The following MED25 variants were observed in gnomAD, a reference collection of about 807,000 sequenced individuals.
MED25 encodes mediator of RNA polymerase II transcription subunit 25.
In MED25, 62 loss-of-function variants were observed where a neutral mutation model predicts 89.4. That is an observed-to-expected ratio of 0.69 (90% CI 0.57 to 0.86). The LOEUF is 0.86. MED25 is among the 40% of genes least tolerant of loss of function. MED25 has a pLI of 0.00. For missense variants in MED25, 905 were observed against 1,005.2 expected, an observed-to-expected ratio of 0.90 and a Z score of 1.35; for synonymous variants, 449 against 427.9, an observed-to-expected ratio of 1.05 and a Z score of -0.61.
chr19:49,831,603 G>C lies in MED25; in HGVS notation c.1230+142G>C. ...TTGCGCTGGACCTGTGGGATGCGGG[G>C]CGAGGCCAGGAGCCCCATGGAGTGG... is the stretch of plus-strand genomic sequence containing the variant. On this transcript the variant is annotated intron_variant, in intron 10 of 17. Coordinates refer to ENST00000312865, the MANE Select transcript of MED25 (RefSeq NM_030973.4). This position sits in a 1 kb window ranked among gnomAD's most constrained non-coding sequence, Gnocchi z 5.0. 1.8e-6 allele frequency: 2 copies of C among 1,123,022 alleles called. No individual in the cohort carries two copies. Among genetic ancestry groups the C allele is most frequent in the Non-Finnish European group, 2.5e-6 (2 of 799,584 alleles). 69.6% of individuals were successfully genotyped at this position (1,123,022 alleles called of 1,614,324 possible).
intron 13 of MED25, chr19:49,833,234 G>A (rs977982840): frequency 6.6e-6 from 1 of 152,424 alleles, no homozygotes; most frequent in Non-Finnish European, 1.5e-5. Context: ...AGCCTCCCAA[G>A]TAGCTGGGAT....
intron 13 of MED25, chr19:49,833,624 A>G (rs888136164): frequency 2.6e-5 from 4 of 152,198 alleles, no homozygotes; most frequent in African/African-American, 9.6e-5. Flanking sequence ...AATTGGGGGC[A>G]CTCGGAAAAA....
Position 49,836,047 on chromosome 19 carries a change from G to T in MED25, c.1965+102G>T. ...GAGGTTGACTGTGGTCAGTGGGTGTGAATGGGGACCCGCCCAGGGCTTTAG... is the reference window on the plus strand; with the variant it reads ...GAGGTTGACTGTGGTCAGTGGGTGTTAATGGGGACCCGCCCAGGGCTTTAG... On this transcript the variant is annotated intron_variant, in intron 16 of 17. Transcript: ENST00000312865. The surrounding 1 kb of genome is among the most constrained non-coding windows in gnomAD (Gnocchi z 5.1). The T allele has an allele frequency of 1.3e-6, 2 of 1,556,854 alleles. No homozygotes were observed. Among genetic ancestry groups the T allele is most frequent in the Non-Finnish European group, 1.7e-6 (2 of 1,151,914 alleles).
chr19:49,822,640 C>CTTTTT (rs536060694), intron 3 of MED25, among the ~76,000 whole-genome samples: 94 of 68,280 alleles, frequency 1.4e-3, no homozygotes, highest in East Asian at 4.5e-3. Context: ...CTGTTACATT[C>CTTTTT]TTTTTTTTTT....
rs755098742 is a variant in MED25, at chr19:49,831,286, TC to T, written c.1102-44del. The T allele has an allele frequency of 1.3e-6, 2 of 1,592,668 alleles. No homozygotes were observed. The highest frequency in any genetic ancestry group is 1.1e-5 in the South Asian group (1 of 88,076). On this transcript the variant is annotated intron_variant, in intron 9 of 17. Coordinates refer to ENST00000312865, the MANE Select transcript of MED25 (RefSeq NM_030973.4). This position sits in a 1 kb window ranked among gnomAD's most constrained non-coding sequence, Gnocchi z 5.0. ...CCCTCACAGGATGGCCCCCGGAGGC[TC>T]CCGGCCTTCCCCATTCTCATGGCCC...
rs945374086 is a variant in MED25, at chr19:49,830,289, A to G, written c.819+71A>G. On this transcript the variant is annotated intron_variant, in intron 7 of 17. Transcript: ENST00000312865. This position sits in a 1 kb window ranked among gnomAD's most constrained non-coding sequence, Gnocchi z 4.6. The stretch of plus-strand genomic sequence containing the variant: ...AGCCCTGGCCCCTGGGGAGAAATCT[A>G]GTTGCATGTTGGAGCTTGTGGGATG... The G allele has an allele frequency of 1.3e-6, 2 of 1,497,270 alleles. No individual in the cohort carries two copies. The highest frequency in any genetic ancestry group is 1.4e-5 in the African/African-American group (1 of 72,618). 92.7% of individuals were successfully genotyped at this position (1,497,270 alleles called of 1,614,324 possible).
chr19:49,831,369 TCCCCAGCCCAGCTGGGAG>T lies in MED25; in HGVS notation c.1148_1165del (p.Gln383_Ala388del), dbSNP rs765219800. The T allele has an allele frequency of 1.9e-6, 3 of 1,610,870 alleles. No homozygotes were observed. The highest frequency in any genetic ancestry group is 1.7e-5 in the Admixed American group (1 of 59,712). On this transcript the variant is annotated inframe_deletion, in exon 10 of 18. Coordinates refer to ENST00000312865, the MANE Select transcript of MED25 (RefSeq NM_030973.4). This position sits in a 1 kb window ranked among gnomAD's most constrained non-coding sequence, Gnocchi z 5.0. ...GGCCCCAGGAGGGGTGAGCGGCCCT[TCCCCAGCCCAGCTGGGAG>T]CCCCAGCCCTCGGTGGGCAGCAGTC...
chr19:49,830,972 C>T lies in MED25; in HGVS notation c.1101+85C>T. On this transcript the variant is annotated intron_variant, in intron 9 of 17. Transcript: ENST00000312865. This position sits in a 1 kb window ranked among gnomAD's most constrained non-coding sequence, Gnocchi z 4.6. ...GTTAGAGGATGAGTCATTTGCCTTC[C>T]AGGGGGATGTGGCTCTCGTGGTTCT... is the stretch of plus-strand genomic sequence containing the variant. The T allele has an allele frequency of 7.0e-7, 1 of 1,432,902 alleles. No homozygotes were observed. Among genetic ancestry groups the T allele is most frequent in the Non-Finnish European group, 9.7e-7 (1 of 1,030,206 alleles). 88.8% of individuals were successfully genotyped at this position (1,432,902 alleles called of 1,614,324 possible). A position where few individuals can be genotyped will look rare whatever the true frequency, so the allele number is the denominator to read the frequency against.
intron 3 of MED25, among the ~76,000 whole-genome samples, chr19:49,823,845 C>T (rs2073998982): frequency 6.6e-6 from 1 of 152,092 alleles, no homozygotes; most frequent in Non-Finnish European, 1.5e-5. Flanking sequence ...GTAGTGGGGG[C>T]CGTCCTGGGT....
Position 49,831,312 on chromosome 19 carries a change from C to T in MED25, c.1102-21C>T. 6.2e-7 allele frequency: 1 copy of T among 1,607,558 alleles called. No homozygotes were observed. The highest frequency in any genetic ancestry group is 1.1e-5 in the South Asian group (1 of 89,588). ...CCCGGCCTTCCCCATTCTCATGGCCCTCCTTCCTCCCCTCTGGCAGGCAGG... is the reference window on the plus strand; with the variant it reads ...CCCGGCCTTCCCCATTCTCATGGCCTTCCTTCCTCCCCTCTGGCAGGCAGG... On this transcript the variant is annotated intron_variant, in intron 9 of 17. Transcript: ENST00000312865. This position sits in a 1 kb window ranked among gnomAD's most constrained non-coding sequence, Gnocchi z 5.0.
chr19:49,824,734 G>C (rs2074004823), intron 3 of MED25, among the ~76,000 whole-genome samples: 2 of 152,308 alleles, frequency 1.3e-5, no homozygotes, highest in South Asian at 2.1e-4. Flanking sequence ...CAAGGAGTTA[G>C]TGGGCATGAG....
chr19:49,825,194 A>G (rs1475634585), intron 3 of MED25, among the ~76,000 whole-genome samples: 1 of 152,084 alleles, frequency 6.6e-6, no homozygotes, highest in Non-Finnish European at 1.5e-5. Context: ...GAGAAACGCA[A>G]GTTTTAGCAT....
chr19:49,837,991 G>A (rs930690187), downstream of MED25, among the ~76,000 whole-genome samples: 7 of 152,140 alleles, frequency 4.6e-5, no homozygotes, highest in African/African-American at 9.7e-5. Context: ...GAGACGTCCC[G>A]AGGGCAGGGG....
In MED25 at chr19:49,829,570, C is replaced by T. The variant is rs2074038577; in HGVS notation, c.526-216C>T. Among the ~76,000 whole-genome samples the T allele has an allele frequency of 6.6e-6, 1 of 152,196 alleles. No homozygotes were observed. Among genetic ancestry groups the T allele is most frequent in the African/African-American group, 2.4e-5 (1 of 41,444 alleles). On this transcript the variant is annotated intron_variant, in intron 5 of 17. Transcript: ENST00000312865. This position sits in a 1 kb window ranked among gnomAD's most constrained non-coding sequence, Gnocchi z 4.6. ...CTGGGATTACAGACGTGAGCCTCCA[C>T]ACCTGGCCCACTTAGTCTTACTGAC... is the stretch of plus-strand genomic sequence containing the variant.
Position 49,832,022 on chromosome 19 carries a change from G to A in MED25, c.1316+1G>A, listed in dbSNP as rs1413338874. On this transcript the variant is annotated splice_donor_variant, in intron 11 of 17. Coordinates refer to ENST00000312865, the MANE Select transcript of MED25 (RefSeq NM_030973.4). LOFTEE classifies it high-confidence loss of function. The stretch of plus-strand genomic sequence containing the variant: ...TCTACGTGAATCATGGCGAGAACCT[G>A]TAGGTGACAGTCAGGGGCGGGGTGT... 1.2e-6 allele frequency: 2 copies of A among 1,611,612 alleles called. No homozygotes were observed. The highest frequency in any genetic ancestry group is 1.7e-6 in the Non-Finnish European group (2 of 1,177,954).
chr19:49,830,321 G>T lies in MED25; in HGVS notation c.819+103G>T. On this transcript the variant is annotated intron_variant, in intron 7 of 17. Coordinates refer to ENST00000312865, the MANE Select transcript of MED25 (RefSeq NM_030973.4). The surrounding 1 kb of genome is among the most constrained non-coding windows in gnomAD (Gnocchi z 4.6). ...TGTTGGAGCTTGTGGGATGATGGGAGTCCCATGGGACATTGGGAAGGTGGG... is the reference window on the plus strand; with the variant it reads ...TGTTGGAGCTTGTGGGATGATGGGATTCCCATGGGACATTGGGAAGGTGGG... The T allele has an allele frequency of 7.8e-7, 1 of 1,283,434 alleles. No individual in the cohort carries two copies. The highest frequency in any genetic ancestry group is 1.1e-6 in the Non-Finnish European group (1 of 907,826). 79.5% of individuals were successfully genotyped at this position (1,283,434 alleles called of 1,614,324 possible).
intron 3 of MED25, among the ~76,000 whole-genome samples, chr19:49,826,488 T>C (rs1022216857): frequency 6.6e-6 from 1 of 151,684 alleles, no homozygotes; most frequent in Non-Finnish European, 1.5e-5. Context: ...TGGAAGGAAA[T>C]CAGTGCGAGA....
At chr19:49,825,008 G>A (rs1049315010) in intron 3 of MED25, among the ~76,000 whole-genome samples, 3 of 152,100 alleles carry the variant, frequency 2.0e-5, no homozygotes, top group African/African-American at 7.2e-5. Flanking sequence ...TTTATTTTGT[G>A]TCTGCCATAT....
At chr19:49,823,409 G>C (rs2073996391) in intron 3 of MED25, among the ~76,000 whole-genome samples, 1 of 152,150 alleles carries the variant, frequency 6.6e-6, no homozygotes. Flanking sequence ...GATGTTTGGA[G>C]AATTAAGTTA....
Sources: allele counts gnomAD v4.1 joint callset (sites outside exome capture counted in the v4.1 genomes callset), GRCh38; gene constraint gnomAD v4.1.1; non-coding constraint Gnocchi (gnomAD v3.1); transcripts MANE v1.5; gene names NCBI Gene and HGNC (gene_info 2026-07-23, HGNC 2026-07-21).